The following RC3H2 variants were observed in gnomAD, a reference collection of about 807,000 sequenced individuals.
The protein encoded by RC3H2 is ring finger and CCCH-type domains 2.
Under a neutral mutation model 133.3 loss-of-function variants are expected in RC3H2, and 31 were observed. That is an observed-to-expected ratio of 0.23 (90% CI 0.17 to 0.31). The LOEUF is 0.31. RC3H2 is among the 10% of genes least tolerant of loss of function. The probability of loss-of-function intolerance (pLI) is 1.00; values close to 1 mark genes in which losing one functional copy is unlikely to be tolerated. For synonymous variants in RC3H2, 517 were observed against 502.2 expected (o/e 1.03, Z -0.40); for missense variants, 1,175 against 1,437.2 (o/e 0.82, Z 2.95).
chr9:122,905,312 GCCTCCTCCT>G lies in RC3H2; in HGVS notation c.-279_-271del, dbSNP rs796650577. 2 of 979,586 alleles carry G rather than the reference GCCTCCTCCT, an allele frequency of 2.0e-6. No homozygotes were observed. Among genetic ancestry groups the G allele is most frequent in the Non-Finnish European group, 2.4e-6 (2 of 824,644 alleles). 60.7% of individuals were successfully genotyped at this position (979,586 alleles called of 1,614,324 possible). ...GCCTCCTCCTCCTCCCTCCACCTCC[GCCTCCTCCT>G]CCTCCTCCTCCTCACCACGGAGGCG... is the stretch of plus-strand genomic sequence containing the variant. On this transcript the variant is annotated 5_prime_UTR_variant, in exon 1 of 21. Transcript: ENST00000357244.
intron 9 of RC3H2, among the ~76,000 whole-genome samples, chr9:122,866,765 C>G (rs1434734877): frequency 6.6e-6 from 1 of 152,210 alleles, no homozygotes; most frequent in Non-Finnish European, 1.5e-5. Flanking sequence ...CAACCTCCAC[C>G]TCCCAGCCAC....
chr9:122,892,930 T>TTA lies in RC3H2; in HGVS notation c.326_327dup (p.Lys110Ter). ...TTACCTTTACCTCCACTTAGTGGTT[T>TTA]TAAGTAGAGTGCCAAATCCTCAACG... is the stretch of plus-strand genomic sequence containing the variant. On this transcript the variant is annotated frameshift_variant, in exon 3 of 21. Coordinates refer to ENST00000357244, the MANE Select transcript of RC3H2 (RefSeq NM_001100588.3). LOFTEE classifies it high-confidence loss of function. 1 of 1,613,228 alleles carries TTA rather than the reference T, an allele frequency of 6.2e-7. No individual in the cohort carries two copies. Among genetic ancestry groups the TTA allele is most frequent in the Non-Finnish European group, 8.5e-7 (1 of 1,179,660 alleles).
rs753385217 is a variant in RC3H2 at position 122,858,626 on chromosome 9, A to C, written c.2283+43T>G. The C allele has an allele frequency of 1.8e-5, 27 of 1,534,540 alleles. No individual in the cohort carries two copies. In the Admixed American group the frequency reaches 4.3e-4, roughly 24 times the overall value. On this transcript the variant is annotated intron_variant, in intron 12 of 20. Transcript: ENST00000357244. ...ATACCTGGGTGGTTTGACTCCAGAC[A>C]CTGGGCTGTTAATGACTACATTATA...
intron 10 of RC3H2, among the ~76,000 whole-genome samples, chr9:122,860,511 T>A (rs934119774): frequency 6.6e-6 from 1 of 150,952 alleles, no homozygotes; most frequent in Non-Finnish European, 1.5e-5. Flanking sequence ...CCTCCTGGGC[T>A]TAAGCAATCC....
rs1230985990 is a variant in RC3H2, at chr9:122,858,935, G to T, written c.2017C>A (p.Gln673Lys). 6.2e-7 allele frequency: 1 copy of T among 1,614,056 alleles called. No individual in the cohort carries two copies. The highest frequency in any genetic ancestry group is 8.5e-7 in the Non-Finnish European group (1 of 1,180,034). ...CCATACGGCTGCGGAGGAGGAGGCTGGTAAGGAGAAGAATTCATTCGATCT... is the reference window on the plus strand; with the variant it reads ...CCATACGGCTGCGGAGGAGGAGGCTTGTAAGGAGAAGAATTCATTCGATCT... ...PRDRMNSSPY[Q>K]PPPPQPYGPV... Residue 673 changes from glutamine to lysine, a missense_variant, in exon 12 of 21, where the codon CAG becomes AAG. This residue lies in a region of RC3H2 where 490 missense variants were observed against 492.8 expected (regional missense o/e 0.99). Transcript: ENST00000357244.
At chr9:122,875,985 G>A (rs1588086835) in intron 9 of RC3H2, among the ~76,000 whole-genome samples, 2 of 152,172 alleles carry the variant, frequency 1.3e-5, no homozygotes, top group East Asian at 3.8e-4. Flanking sequence ...TGTTTTAAGG[G>A]AAATAATGGG....
chr9:122,852,330 T>C (rs1431189073), intron 18 of RC3H2, among the ~76,000 whole-genome samples: 1 of 139,312 alleles, frequency 7.2e-6, no homozygotes, highest in Non-Finnish European at 1.6e-5. Flanking sequence ...GTGAGGAGCC[T>C]CTCTGCCTGG....
chr9:122,857,923 A>T lies in RC3H2; in HGVS notation c.2454T>A (p.Asp818Glu). The T allele has an allele frequency of 1.2e-6, 2 of 1,612,028 alleles. No individual in the cohort carries two copies. The highest frequency in any genetic ancestry group is 1.1e-5 in the South Asian group (1 of 90,692). Reference protein sequence around the residue: ...SPLFSVDFRADFSESVSGTKF... With the variant: ...SPLFSVDFRAEFSESVSGTKF... ...ATTAAGTAATTAAAACCTTTCTTAC[A>T]TCCGCACGAAAGTCTACACTGAACA... Residue 818 changes from aspartate (D) to glutamate (E), a missense_variant and splice_region_variant, in exon 13 of 21, where the codon GAT becomes GAA. Transcript: ENST00000357244.
At chr9:122,859,163 G>C in intron 11 of RC3H2, 61 bp from the exon 12 acceptor site, 1 of 1,326,988 alleles carries the variant, frequency 7.5e-7, no homozygotes, top group Non-Finnish European at 1.0e-6. Flanking sequence ...ATTTTATAAT[G>C]GCTTAAATCT....
chr9:122,884,689 T>C (rs568252463), intron 4 of RC3H2, among the ~76,000 whole-genome samples: 7 of 151,628 alleles, frequency 4.6e-5, no homozygotes, highest in Non-Finnish European at 1.0e-4. Flanking sequence ...CCCATCTCTA[T>C]TAAAAATATA....
In RC3H2 at chr9:122,848,706, G is replaced by A. The variant is rs1190766148; in HGVS notation, c.*921C>T. On this transcript the variant is annotated 3_prime_UTR_variant, in exon 21 of 21. Transcript: ENST00000357244. ...TTAGTCAGTGCAAACGCTACATACA[G>A]GGTTTTCTCAAGAAAGCTGAAAGCA... 2.0e-5 allele frequency: 3 copies of A among 152,136 alleles called. No individual in the cohort carries two copies. The highest frequency in any genetic ancestry group is 7.2e-5 in the African/African-American group (3 of 41,442). The allele number at this position is 152,136 out of a possible 1,614,324, so 9.4% of individuals were successfully genotyped here. A position where few individuals can be genotyped will look rare whatever the true frequency, so the allele number is the denominator to read the frequency against.
At chr9:122,851,552 A>G in intron 18 of RC3H2, 116 bp from the exon 19 acceptor site, 5 of 1,376,622 alleles carry the variant, frequency 3.6e-6, no homozygotes, top group Non-Finnish European at 4.9e-6. Context: ...GCCGAGCCGA[A>G]GCTGGACTAT....
In RC3H2 at chr9:122,903,522, T is replaced by C. The variant is rs577553136; in HGVS notation, c.-68+1588A>G. Among the ~76,000 whole-genome samples the C allele has an allele frequency of 2.0e-5, 3 of 152,298 alleles. No homozygotes were observed. In the South Asian group the frequency reaches 6.2e-4, roughly 32 times the overall value. ...CAGAGTATGATTTAACAAAAATATA[T>C]GAACAAAGGACGTAAGTCTTCTTAC... On this transcript the variant is annotated intron_variant, in intron 1 of 20. Coordinates refer to ENST00000357244, the MANE Select transcript of RC3H2 (RefSeq NM_001100588.3).
intron 10 of RC3H2, among the ~76,000 whole-genome samples, chr9:122,864,890 C>T (rs925713315): frequency 6.6e-6 from 1 of 152,038 alleles, no homozygotes; most frequent in Non-Finnish European, 1.5e-5. Flanking sequence ...TCCAAAAGTG[C>T]TGGGATTACA....
At chr9:122,880,218 T>G in intron 6 of RC3H2, 93 bp from the exon 7 acceptor site, 2 of 1,346,560 alleles carry the variant, frequency 1.5e-6, no homozygotes, top group Non-Finnish European at 2.1e-6. Flanking sequence ...TTAATACGTT[T>G]TCAAGTGTCT....
chr9:122,891,502 C>T (rs997493815), intron 3 of RC3H2, among the ~76,000 whole-genome samples: 1 of 152,214 alleles, frequency 6.6e-6, no homozygotes, highest in Non-Finnish European at 1.5e-5. Context: ...ATTTTTCCCA[C>T]ATCACTTGAC....
At chr9:122,870,701 C>T (rs1397287714) in intron 9 of RC3H2, among the ~76,000 whole-genome samples, 1 of 152,198 alleles carries the variant, frequency 6.6e-6, no homozygotes, top group Non-Finnish European at 1.5e-5. Context: ...CAGGTGTGCA[C>T]CACCATGCGT....
Position 122,855,415 on chromosome 9 carries a change from A to G in RC3H2, c.2602-18T>C, listed in dbSNP as rs2131387317. On this transcript the variant is annotated intron_variant, in intron 14 of 20. Coordinates refer to ENST00000357244, the MANE Select transcript of RC3H2 (RefSeq NM_001100588.3). ...TCCAGGTCCTATGTAAACCAAAGAAAATCAATAAAAGGACTGTTGGCAATT... is the reference window on the plus strand; with the variant it reads ...TCCAGGTCCTATGTAAACCAAAGAAGATCAATAAAAGGACTGTTGGCAATT... The G allele has an allele frequency of 2.5e-6, 4 of 1,599,482 alleles. No individual in the cohort carries two copies. The East Asian group carries it at 8.9e-5, about 36-fold the overall frequency.
intron 4 of RC3H2, among the ~76,000 whole-genome samples, chr9:122,887,951 G>C (rs1831999830): frequency 6.6e-6 from 1 of 151,924 alleles, no homozygotes. Flanking sequence ...CGCCATGTTG[G>C]CCAGGTTAGT....
Sources: allele counts gnomAD v4.1 joint callset (sites outside exome capture counted in the v4.1 genomes callset), GRCh38; gene constraint gnomAD v4.1.1; regional missense constraint gnomAD v4.1.1; transcripts MANE v1.5; gene names NCBI Gene and HGNC (gene_info 2026-07-23, HGNC 2026-07-21).